Variants in RIMS2 observed in about 807,000 individuals in gnomAD.
RIMS2 encodes regulating synaptic membrane exocytosis protein 2.
A neutral mutation model predicts 174.4 loss-of-function variants in RIMS2; 59 were observed. The observed-to-expected ratio is 0.34, with a 90% CI of 0.27 to 0.42. The LOEUF (loss-of-function observed/expected upper bound fraction) is 0.42, where lower values mean the gene tolerates loss of function less well. RIMS2 is among the 10% of genes least tolerant of loss of function. The pLI, the probability that RIMS2 is intolerant of heterozygous loss-of-function variation, is 1.00. For missense variants in RIMS2, 1,620 were observed against 1,666.3 expected (o/e 0.97, Z 0.48); for synonymous variants, 606 against 572.5 (o/e 1.06, Z -0.84).
intron 19 of RIMS2, among the ~76,000 whole-genome samples, chr8:104,132,521 C>A (rs894795251): frequency 2.0e-5 from 3 of 152,150 alleles, no homozygotes; most frequent in African/African-American, 7.2e-5. Context: ...GAATTTCCAA[C>A]CTTTTTTCTG....
At chr8:103,854,551 A>AG (rs1427991034) in intron 3 of RIMS2, among the ~76,000 whole-genome samples, 1 of 150,520 alleles carries the variant, frequency 6.6e-6, no homozygotes, top group Non-Finnish European at 1.5e-5. Flanking sequence ...TAGTTTGTTG[A>AG]GGGTTTTTTT....
intron 17 of RIMS2, among the ~76,000 whole-genome samples, chr8:104,000,906 T>A (rs2095357224): frequency 6.6e-6 from 1 of 151,806 alleles, no homozygotes; most frequent in African/African-American, 2.4e-5. Flanking sequence ...AAAAATCAGA[T>A]TATTATTGTT....
exon 4 of RIMS2, chr8:103,885,714 C>A (rs199895069): frequency 7.4e-6 from 12 of 1,612,928 alleles, no homozygotes; most frequent in Non-Finnish European, 1.0e-5. Flanking sequence ...AGTGATGTTT[C>A]TTTGGCAAAT....
chr8:103,649,648 C>CTTTTTTTTTTTT (rs71575979), intron 1 of RIMS2, among the ~76,000 whole-genome samples: 2 of 143,406 alleles, frequency 1.4e-5, no homozygotes, highest in Non-Finnish European at 1.5e-5. Flanking sequence ...CCTTTTCATT[C>CTTTTTTTTTTTT]TTTTTTTTTT....
intron 19 of RIMS2, among the ~76,000 whole-genome samples, chr8:104,100,527 A>G (rs1417918363): frequency 2.0e-5 from 3 of 152,080 alleles, no homozygotes; most frequent in Admixed American, 6.6e-5. Context: ...GCTCATGGAA[A>G]GTTCTTAAAG....
chr8:103,599,655 T>C (rs1315504031), intron 1 of RIMS2, among the ~76,000 whole-genome samples: 6 of 151,866 alleles, frequency 4.0e-5, no homozygotes. Flanking sequence ...CTCACTATAC[T>C]ACCCAGGCTG....
At chr8:103,792,176 G>A (rs933692968) in intron 3 of RIMS2, among the ~76,000 whole-genome samples, 7 of 152,124 alleles carry the variant, frequency 4.6e-5, no homozygotes, top group South Asian at 2.1e-4. Flanking sequence ...TGGAAGTAAA[G>A]CACTCCTCAG....
intron 3 of RIMS2, among the ~76,000 whole-genome samples, chr8:103,848,683 A>G (rs2098981010): frequency 1.3e-5 from 2 of 151,998 alleles, no homozygotes; most frequent in Admixed American, 6.6e-5. Flanking sequence ...TCTACCACAG[A>G]TATCTCTAGT....
chr8:103,516,494 C>G (rs979728885), intron 1 of RIMS2, among the ~76,000 whole-genome samples: 48 of 151,996 alleles, frequency 3.2e-4, no homozygotes, highest in African/African-American at 1.1e-3. Flanking sequence ...TCACGAATGA[C>G]TCTCTTGGTA....
intron 17 of RIMS2, among the ~76,000 whole-genome samples, chr8:104,010,263 A>G (rs1032603904): frequency 2.0e-5 from 3 of 152,204 alleles, no homozygotes; most frequent in Non-Finnish European, 4.4e-5. Context: ...TTGACCCAAA[A>G]AAATGATTCA....
chr8:103,634,944 C>A (rs1220072009), intron 1 of RIMS2, among the ~76,000 whole-genome samples: 1 of 152,114 alleles, frequency 6.6e-6, no homozygotes, highest in Non-Finnish European at 1.5e-5. Flanking sequence ...CTTGAAGACA[C>A]CATACCATTG....
At chr8:104,249,555 C>T in exon 22 of RIMS2, 1 of 1,611,772 alleles carries the variant, frequency 6.2e-7, no homozygotes. Flanking sequence ...GGCCCGTGGC[C>T]TTGTTGTAAA....
At chr8:104,228,854 TA>T (rs948233205) in intron 19 of RIMS2, among the ~76,000 whole-genome samples, 8 of 152,210 alleles carry the variant, frequency 5.3e-5, no homozygotes, top group Admixed American at 2.6e-4. Flanking sequence ...AATAGCACAA[TA>T]TTTTTTTATG....
At chr8:103,623,223 A>C (rs1174925959) in intron 1 of RIMS2, among the ~76,000 whole-genome samples, 1 of 152,216 alleles carries the variant, frequency 6.6e-6, no homozygotes, top group Non-Finnish European at 1.5e-5. Context: ...CATACCTAGT[A>C]AGTTATTTAA....
chr8:103,639,297 C>A (rs2096170257), intron 1 of RIMS2, among the ~76,000 whole-genome samples: 1 of 151,718 alleles, frequency 6.6e-6, no homozygotes, highest in South Asian at 2.1e-4. Context: ...ACTTTGTATT[C>A]CTTCCAGGGA....
At chr8:103,905,088 T>G (rs1347644064) in intron 4 of RIMS2, among the ~76,000 whole-genome samples, 2 of 152,066 alleles carry the variant, frequency 1.3e-5, no homozygotes, top group African/African-American at 4.8e-5. Flanking sequence ...TTATATATGT[T>G]GAAAACCACA....
At chr8:104,015,205 A>G (rs1417959760) in intron 19 of RIMS2, among the ~76,000 whole-genome samples, 1 of 152,232 alleles carries the variant, frequency 6.6e-6, no homozygotes, top group Non-Finnish European at 1.5e-5. Flanking sequence ...ATAACTGAAT[A>G]TAATGGTTTT....
intron 1 of RIMS2, among the ~76,000 whole-genome samples, chr8:103,586,220 A>T (rs1332921363): frequency 6.6e-6 from 1 of 152,162 alleles, no homozygotes; most frequent in Admixed American, 6.5e-5. Context: ...GAAACATCAG[A>T]CTTAATATTC....
In RIMS2 at chr8:103,936,659, G is replaced by A. The variant is rs1438474179; in HGVS notation, c.2484G>A (p.Met828Ile). ...ACCGAAGAGAATTTCGGGAACGAAT[G>A]CTAGAGATTACCCTTTGGGATCAAG... The change falls in exon 13 of 24, where the codon ATG (methionine) becomes ATA (isoleucine). Residue 828 changes from methionine to isoleucine, a missense_variant. Met to Ile is a conservative substitution (Grantham distance 10, BLOSUM62 1). Coordinates refer to ENST00000504942, the Ensembl canonical transcript of RIMS2. 1 of 1,612,194 alleles carries A rather than the reference G, an allele frequency of 6.2e-7. No individual in the cohort carries two copies. Among genetic ancestry groups the A allele is most frequent in the Admixed American group, 1.7e-5 (1 of 59,730 alleles).
Sources: gnomAD v4.1 joint callset for allele counts (sites outside exome capture counted in the v4.1 genomes callset) on GRCh38, gnomAD v4.1.1 for gene constraint, MANE v1.5 for transcripts, NCBI Gene and HGNC (gene_info 2026-07-23, HGNC 2026-07-21) for gene names.